The following ZNF112 variants were observed in gnomAD, a reference collection of about 807,000 sequenced individuals.
The protein encoded by ZNF112 is zinc finger protein 112.
In ZNF112, 37 loss-of-function variants were observed where a neutral mutation model predicts 77.7. The ratio of observed to expected loss-of-function variants is 0.48; its 90% confidence interval spans 0.37 to 0.63. ZNF112 has a LOEUF of 0.63. Ranked by LOEUF, ZNF112 falls within the 20% of genes least tolerant of loss-of-function variation. The probability of loss-of-function intolerance (pLI) is 0.00; values close to 1 mark genes in which losing one functional copy is unlikely to be tolerated. For synonymous variants in ZNF112, 333 were observed against 363.6 expected (o/e 0.92, Z 0.96); for missense variants, 950 against 1,077.4 (o/e 0.88, Z 1.66).
intron 1 of ZNF112, among the ~76,000 whole-genome samples, chr19:44,354,694 T>C (rs920664683): frequency 6.6e-6 from 1 of 152,196 alleles, no homozygotes; most frequent in South Asian, 2.1e-4. Flanking sequence ...AACAACCTTG[T>C]ACGATGTGCT....
At chr19:44,335,163 G>C (rs529542112) in intron 3 of ZNF112, among the ~76,000 whole-genome samples, 1 of 152,384 alleles carries the variant, frequency 6.6e-6, no homozygotes, top group Admixed American at 6.5e-5. Context: ...TGGAGTCAAA[G>C]GAGATTATTT....
intron 2 of ZNF112, among the ~76,000 whole-genome samples, chr19:44,337,093 A>T (rs991731772): frequency 1.3e-5 from 2 of 150,046 alleles, no homozygotes; most frequent in Non-Finnish European, 3.0e-5. Context: ...CTGGTCCTGA[A>T]CTCCTGGGTT....
intron 1 of ZNF112, among the ~76,000 whole-genome samples, chr19:44,365,480 A>ATATT (rs1416552991): frequency 1.3e-4 from 20 of 150,044 alleles, no homozygotes; most frequent in Admixed American, 7.2e-4. Flanking sequence ...ATATATATAT[A>ATATT]TATTTATGTG....
intron 1 of ZNF112, among the ~76,000 whole-genome samples, chr19:44,342,539 G>A (rs1397133025): frequency 2.0e-5 from 3 of 152,110 alleles, no homozygotes; most frequent in East Asian, 1.9e-4. Context: ...GAAAAGGGCC[G>A]GGCACGGTGG....
At chr19:44,361,705 T>G (rs1390757836) in intron 1 of ZNF112, among the ~76,000 whole-genome samples, 4 of 152,192 alleles carry the variant, frequency 2.6e-5, no homozygotes, top group Non-Finnish European at 5.9e-5. Flanking sequence ...TACAGTATGG[T>G]TGATATAGGA....
chr19:44,345,726 A>C (rs555024349), intron 1 of ZNF112, among the ~76,000 whole-genome samples: 1 of 152,114 alleles, frequency 6.6e-6, no homozygotes, highest in South Asian at 2.1e-4. Flanking sequence ...GGAATCTTTC[A>C]TGTCTGTCTG....
rs1188574038 is a variant in ZNF112, at chr19:44,329,878, G to A, written c.279C>T (p.Ser93=). 3 of 1,613,790 alleles carry A rather than the reference G, an allele frequency of 1.9e-6. No homozygotes were observed. Among genetic ancestry groups the A allele is most frequent in the Non-Finnish European group, 2.5e-6 (3 of 1,179,970 alleles). ...SIQEVTVSYF[S]PKELSSRQTW... is the part of the protein sequence containing the mutation. ...TCTGACGGGAGGAAAGCTCTTTGGGGGAAAAGTAGCTTACTGTTACTTCCT... is the reference window on the plus strand; with the variant it reads ...TCTGACGGGAGGAAAGCTCTTTGGGAGAAAAGTAGCTTACTGTTACTTCCT... Residue 93 remains serine, a synonymous_variant, in exon 4 of 4, where the codon TCC becomes TCT. Coordinates refer to ENST00000354340, the MANE Select transcript of ZNF112 (RefSeq NM_013380.4).
At chr19:44,338,043 G>A (rs1218319072) in intron 2 of ZNF112, among the ~76,000 whole-genome samples, 1 of 148,580 alleles carries the variant, frequency 6.7e-6, no homozygotes, top group African/African-American at 2.5e-5. Context: ...ACAAAATACT[G>A]TTCTCTGCCA....
intron 1 of ZNF112, among the ~76,000 whole-genome samples, chr19:44,355,030 T>C (rs1970761492): frequency 6.6e-6 from 1 of 151,912 alleles, no homozygotes; most frequent in Non-Finnish European, 1.5e-5. Flanking sequence ...GATATTATAC[T>C]AAGTCGATGT....
chr19:44,362,460 TG>T (rs1430597210), intron 1 of ZNF112, among the ~76,000 whole-genome samples: 4 of 152,064 alleles, frequency 2.6e-5, no homozygotes, highest in African/African-American at 9.7e-5. Context: ...AAATAATCTA[TG>T]GGATTTTTGA....
At chr19:44,348,525 C>T (rs1469368261) in intron 1 of ZNF112, among the ~76,000 whole-genome samples, 1 of 152,002 alleles carries the variant, frequency 6.6e-6, no homozygotes, top group East Asian at 1.9e-4. Context: ...TAAAACAAAT[C>T]TTAATTTCCT....
chr19:44,335,157 G>A (rs1200679589), intron 3 of ZNF112, among the ~76,000 whole-genome samples: 1 of 152,260 alleles, frequency 6.6e-6, no homozygotes, highest in African/African-American at 2.4e-5. Flanking sequence ...GAGACATGGA[G>A]TCAAAGGAGA....
At chr19:44,356,179 G>C (rs1401777884) in intron 1 of ZNF112, among the ~76,000 whole-genome samples, 1 of 152,186 alleles carries the variant, frequency 6.6e-6, no homozygotes, top group Non-Finnish European at 1.5e-5. Context: ...AAATTAAAAA[G>C]TGCTAATAAC....
chr19:44,361,018 GAACA>G (rs1970850604), upstream of ZNF112, among the ~76,000 whole-genome samples: 1 of 152,134 alleles, frequency 6.6e-6, no homozygotes. Flanking sequence ...CAAGGACATT[GAACA>G]AACTTTAGCT....
intron 2 of ZNF112, among the ~76,000 whole-genome samples, chr19:44,338,796 C>G (rs1970435667): frequency 6.6e-6 from 1 of 152,194 alleles, no homozygotes; most frequent in Non-Finnish European, 1.5e-5. Flanking sequence ...GTCGTGGTGA[C>G]TCATGCCTGT....
At chr19:44,363,883 T>C (rs533082842) in intron 1 of ZNF112, among the ~76,000 whole-genome samples, 295 of 152,294 alleles carry the variant, frequency 1.9e-3, no homozygotes, top group African/African-American at 6.6e-3. Context: ...TTTCTGATTG[T>C]TTTGAATCCT....
At chr19:44,360,721 A>G (rs1970847668), upstream of ZNF112, among the ~76,000 whole-genome samples, 1 of 152,204 alleles carries the variant, frequency 6.6e-6, no homozygotes, top group Admixed American at 6.5e-5. Flanking sequence ...AATATTCAAT[A>G]CATGTTGCTG....
intron 2 of ZNF112, 73 bp from the exon 3 acceptor site, chr19:44,336,791 G>T (rs2123162017): frequency 8.2e-7 from 1 of 1,220,398 alleles, no homozygotes; most frequent in Non-Finnish European, 1.2e-6. Context: ...AGACAAAAAG[G>T]TATACACAGA....
chr19:44,328,834 C>T lies in ZNF112; in HGVS notation c.1323G>A (p.Glu441=), dbSNP rs757006954. 6.8e-6 allele frequency: 11 copies of T among 1,613,874 alleles called. No homozygotes were observed. Among genetic ancestry groups the T allele is most frequent in the Middle Eastern group, 1.6e-4 (1 of 6,082 alleles). The part of the protein sequence containing the change: ...HMEENSYNSE[E]CGNGFSLASH... ...AGGCCAGACTGAAGCCATTACCACACTCCTCAGAATTATATGAATTCTCTT... is the reference window on the plus strand; with the variant it reads ...AGGCCAGACTGAAGCCATTACCACATTCCTCAGAATTATATGAATTCTCTT... The change falls in exon 4 of 4, where the codon GAG becomes GAA. Residue 441 remains glutamate, a synonymous_variant. Coordinates refer to ENST00000354340, the MANE Select transcript of ZNF112 (RefSeq NM_013380.4).
Sources: gnomAD v4.1 joint callset for allele counts (sites outside exome capture counted in the v4.1 genomes callset) on GRCh38, gnomAD v4.1.1 for gene constraint, MANE v1.5 for transcripts, NCBI Gene and HGNC (gene_info 2026-07-23, HGNC 2026-07-21) for gene names.